Variants in RNF123 observed in about 807,000 individuals in gnomAD.
RNF123 encodes ring finger protein 123.
In RNF123, 86 loss-of-function variants were observed where a neutral mutation model predicts 168.5. The ratio of observed to expected loss-of-function variants is 0.51; its 90% CI spans 0.43 to 0.61. RNF123 has a LOEUF of 0.61. RNF123 is among the 20% of genes least tolerant of loss of function. The probability of loss-of-function intolerance (pLI) is 0.00; values close to 1 mark genes in which losing one functional copy is unlikely to be tolerated. For missense variants in RNF123, 1,419 were observed against 1,729.7 expected (o/e 0.82, Z 3.19); for synonymous variants, 666 against 689.1 (o/e 0.97, Z 0.52).
At position 49,706,783 on chromosome 3, in the gene RNF123, G is replaced by A. The variant is rs757180526; in HGVS notation, c.2389-8G>A. The A allele has an allele frequency of 1.7e-5, 28 of 1,612,674 alleles. No individual in the cohort carries two copies. The highest frequency in any genetic ancestry group is 2.4e-5 in the Non-Finnish European group (28 of 1,178,660). On this transcript the variant is annotated splice_region_variant and splice_polypyrimidine_tract_variant and intron_variant, in intron 25 of 38. Coordinates refer to ENST00000327697, the MANE Select transcript of RNF123 (RefSeq NM_022064.5). ...TCTTGATTGTCCTCCTTTCCCCTTG[G>A]GTGGCAGAGGAAGGACATCCTTGCA...
At position 49,698,421 on chromosome 3, in the gene RNF123, A is replaced by T; in HGVS notation, c.484-19A>T. 1.2e-6 allele frequency: 2 copies of T among 1,608,344 alleles called. No homozygotes were observed. The highest frequency in any genetic ancestry group is 8.5e-7 in the Non-Finnish European group (1 of 1,175,412). ...CCCTGCCTGCCTCACCAGGGACCTC[A>T]TAGGCATTTCCTCCCTAGGAGGGGG... On this transcript the variant is annotated intron_variant, in intron 7 of 38. Coordinates refer to ENST00000327697, the MANE Select transcript of RNF123 (RefSeq NM_022064.5).
chr3:49,718,615 G>A (rs200572214), intron 35 of RNF123: 7 of 1,612,842 alleles, frequency 4.3e-6, no homozygotes, highest in Admixed American at 3.3e-5. Context: ...GTGCTCTTCC[G>A]GCCGCTCTAG....
At position 49,691,263 on chromosome 3, in the gene RNF123, G is replaced by A. The variant is rs763521959; in HGVS notation, c.82+16G>A. The A allele has an allele frequency of 3.7e-6, 6 of 1,612,746 alleles. No homozygotes were observed. The South Asian group carries it at 5.5e-5, about 15-fold the overall frequency. The stretch of plus-strand genomic sequence containing the variant: ...AGGGTCACAGGTAAGAGCTGGCAGG[G>A]AAGGAAGGAGGCTCCTCTTGTTGGG... On this transcript the variant is annotated intron_variant, in intron 2 of 38. Transcript: ENST00000327697.
intron 16 of RNF123, 42 bp downstream of exon 16, chr3:49,701,650 G>T (rs1482827989): frequency 1.3e-6 from 2 of 1,560,462 alleles, no homozygotes; most frequent in African/African-American, 1.4e-5. Flanking sequence ...TCATGGCAAG[G>T]CCCCTGGCCT....
chr3:49,699,638 C>G lies in RNF123; in HGVS notation c.880-30C>G, dbSNP rs1027235929. 2 of 1,613,030 alleles carry G rather than the reference C, an allele frequency of 1.2e-6. No individual in the cohort carries two copies. The highest frequency in any genetic ancestry group is 2.7e-5 in the African/African-American group (2 of 74,904). The stretch of plus-strand genomic sequence containing the variant: ...GGGGCTTCCACAGCCTCCTGCCCCT[C>G]ACACTTCTCCCTCCTCCCCCTCCAC... On this transcript the variant is annotated intron_variant, in intron 11 of 38. Coordinates refer to ENST00000327697, the MANE Select transcript of RNF123 (RefSeq NM_022064.5). The surrounding 1 kb of genome is among the most constrained non-coding windows in gnomAD (Gnocchi z 4.8).
Position 49,706,894 on chromosome 3 carries a change from C to T in RNF123, c.2492C>T (p.Ser831Phe), listed in dbSNP as rs774839552. Reference sequence around the variant, plus strand: ...GCCTGGGTCCATGCCACTGTCTACTCCCAGGTGTGCTGGTATTGCAGCTGC... The same window carrying T: ...GCCTGGGTCCATGCCACTGTCTACTTCCAGGTGTGCTGGTATTGCAGCTGC... ...RLAWVHATVYSQEKMLDIYWL... is the reference protein window; with the variant it reads ...RLAWVHATVYFQEKMLDIYWL... The change falls in exon 26 of 39, where the codon TCC (serine) becomes TTC (phenylalanine). Residue 831 changes from serine to phenylalanine, a missense_variant. Physicochemically the swap from Ser to Phe is radical, Grantham distance 155. Coordinates refer to ENST00000327697, the MANE Select transcript of RNF123 (RefSeq NM_022064.5). 2.5e-6 allele frequency: 4 copies of T among 1,613,756 alleles called. No individual in the cohort carries two copies. The Admixed American group carries it at 5.0e-5, about 20-fold the overall frequency.
chr3:49,698,353 C>T, intron 7 of RNF123, 87 bp from the exon 8 acceptor site: 1 of 1,124,432 alleles, frequency 8.9e-7, no homozygotes, highest in South Asian at 1.3e-5. Flanking sequence ...TTCTGTAGAG[C>T]CATATGCATC....
intron 15 of RNF123, 82 bp from the exon 16 acceptor site, chr3:49,701,409 A>C: frequency 9.3e-7 from 1 of 1,072,572 alleles, no homozygotes; most frequent in South Asian, 1.3e-5. Flanking sequence ...AGGCACATCC[A>C]GGGATGGGCT....
chr3:49,707,625 T>C (rs1320676605), intron 26 of RNF123, among the ~76,000 whole-genome samples: 1 of 152,148 alleles, frequency 6.6e-6, no homozygotes, highest in Admixed American at 6.5e-5. Flanking sequence ...GTATCTGCTG[T>C]CTTCTTGGGC....
At position 49,718,304 on chromosome 3, in the gene RNF123, G is replaced by C. The variant is rs778881594; in HGVS notation, c.3500+1827G>C. On this transcript the variant is annotated intron_variant, in intron 35 of 38. Transcript: ENST00000327697. ...ACAAGGCCCACGGCACAGCCCAGCAGTGTGGTGAAGCCTGTGTTGAAAGCC... is the reference window on the plus strand; with the variant it reads ...ACAAGGCCCACGGCACAGCCCAGCACTGTGGTGAAGCCTGTGTTGAAAGCC... 3.1e-6 allele frequency: 5 copies of C among 1,613,260 alleles called. No individual in the cohort carries two copies. In the Middle Eastern group the frequency reaches 4.9e-4, roughly 160 times the overall value.
chr3:49,700,207 A>G lies in RNF123; in HGVS notation c.985-20A>G. 6.2e-7 allele frequency: 1 copy of G among 1,613,648 alleles called. No homozygotes were observed. Among genetic ancestry groups the G allele is most frequent in the Non-Finnish European group, 8.5e-7 (1 of 1,179,846 alleles). On this transcript the variant is annotated intron_variant, in intron 12 of 38. Coordinates refer to ENST00000327697, the MANE Select transcript of RNF123 (RefSeq NM_022064.5). ...CAGAGTGGAAGGCCACCACCTCACC[A>G]GTGCCTGGCCTTGGTGCAGCGCAAG...
intron 3 of RNF123, among the ~76,000 whole-genome samples, chr3:49,696,059 C>A (rs1340298255): frequency 6.6e-6 from 1 of 152,160 alleles, no homozygotes; most frequent in African/African-American, 2.4e-5. Flanking sequence ...ATGTCCCATT[C>A]AACACAGACT....
Position 49,714,176 on chromosome 3 carries a change from T to A in RNF123, c.3010+2T>A. 1 of 1,613,846 alleles carries A rather than the reference T, an allele frequency of 6.2e-7. No homozygotes were observed. The highest frequency in any genetic ancestry group is 1.3e-5 in the African/African-American group (1 of 75,018). ...ACGCCAATTTGCCCAGCCTCCAGAG[T>A]GAGTATCTGGGTTGGGCGAGTCCTG... On this transcript the variant is annotated splice_donor_variant, in intron 31 of 38. Transcript: ENST00000327697. LOFTEE classifies it high-confidence loss of function.
chr3:49,716,263 C>G lies in RNF123; in HGVS notation c.3415+86C>G, dbSNP rs1169017243. ...CAGTGAGGCCTGATTCCACATTCTGCCCCCGGACAGCCAGACTTGGTGCTC... is the reference window on the plus strand; with the variant it reads ...CAGTGAGGCCTGATTCCACATTCTGGCCCCGGACAGCCAGACTTGGTGCTC... On this transcript the variant is annotated intron_variant, in intron 34 of 38. Transcript: ENST00000327697. 10 of 1,561,388 alleles carry G rather than the reference C, an allele frequency of 6.4e-6. No homozygotes were observed. In the East Asian group the frequency reaches 2.3e-4, roughly 35 times the overall value.
In RNF123 at chr3:49,715,451, G is replaced by C. The variant is rs1052676321; in HGVS notation, c.3011-124G>C. 5.6e-5 allele frequency: 67 copies of C among 1,188,438 alleles called. No individual in the cohort carries two copies. The East Asian group carries it at 1.6e-3, about 29-fold the overall frequency. The allele number at this position is 1,188,438 out of a possible 1,614,324, so 73.6% of individuals were successfully genotyped here. A position where few individuals can be genotyped will look rare whatever the true frequency, so the allele number is the denominator to read the frequency against. On this transcript the variant is annotated intron_variant, in intron 31 of 38. Transcript: ENST00000327697. Reference sequence around the variant, plus strand: ...CCTCTGTCCCCTGCTTTCATGACCTGAGCATTCCTAGGGAGCCATCTTTCT... The same window carrying C: ...CCTCTGTCCCCTGCTTTCATGACCTCAGCATTCCTAGGGAGCCATCTTTCT...
At chr3:49,718,518 C>G in intron 35 of RNF123, 1 of 1,613,176 alleles carries the variant, frequency 6.2e-7, no homozygotes, top group Non-Finnish European at 8.5e-7. Flanking sequence ...TGAGAAGCTC[C>G]TGCTGCGGCG....
chr3:49,698,778 G>C lies in RNF123; in HGVS notation c.594G>C (p.Val198=), dbSNP rs1344649078. Residue 198 remains valine (V), a synonymous_variant, in exon 9 of 39, where the codon GTG becomes GTC. Coordinates refer to ENST00000327697, the MANE Select transcript of RNF123 (RefSeq NM_022064.5). ...AGGCGTGGGCAGCGGGGGACATCGTGAGCTGCCTGATTGACCTGGATGATG... is the reference window on the plus strand; with the variant it reads ...AGGCGTGGGCAGCGGGGGACATCGTCAGCTGCCTGATTGACCTGGATGATG... ...YGKAWAAGDI[V]SCLIDLDDGT... is the part of the protein sequence containing the mutation. The C allele has an allele frequency of 6.2e-7, 1 of 1,613,924 alleles. No homozygotes were observed. The highest frequency in any genetic ancestry group is 1.1e-5 in the South Asian group (1 of 91,080).
At chr3:49,700,767 A>C in intron 15 of RNF123, 58 bp downstream of exon 15, 1 of 1,571,790 alleles carries the variant, frequency 6.4e-7, no homozygotes, top group Non-Finnish European at 8.7e-7. Flanking sequence ...GACTCAGCAG[A>C]GGCCAGGAAG....
At chr3:49,718,604 G>C (rs770962960) in intron 35 of RNF123, 1 of 1,613,024 alleles carries the variant, frequency 6.2e-7, no homozygotes, top group Non-Finnish European at 8.5e-7. Flanking sequence ...AGCGCGTACA[G>C]GTGCTCTTCC....
Sources: allele counts gnomAD v4.1 joint callset (sites outside exome capture counted in the v4.1 genomes callset), GRCh38; gene constraint gnomAD v4.1.1; non-coding constraint Gnocchi (gnomAD v3.1); transcripts MANE v1.5; gene names NCBI Gene and HGNC (gene_info 2026-07-23, HGNC 2026-07-21).